The following SERPINB6 variants were observed in gnomAD, a reference collection of about 807,000 sequenced individuals.
The protein encoded by SERPINB6 is serpin family B member 6, also known as serpin B6.
Under a neutral mutation model 26.1 loss-of-function variants are expected in SERPINB6, and 16 were observed. That is an observed-to-expected ratio of 0.61 (90% confidence interval 0.42 to 0.93). SERPINB6 has a LOEUF of 0.93. SERPINB6 is among the 40% of genes least tolerant of loss of function. The probability of loss-of-function intolerance (pLI) is 0.00; values close to 1 mark genes in which losing one functional copy is unlikely to be tolerated. For missense variants in SERPINB6, 420 were observed against 478.0 expected, an observed-to-expected ratio of 0.88 and a Z score of 1.13; for synonymous variants, 174 against 176.6, an observed-to-expected ratio of 0.99 and a Z score of 0.11.
Position 2,955,527 on chromosome 6 carries a change from G to A in SERPINB6, c.309C>T (p.Leu103=). Residue 103 remains leucine (L), a synonymous_variant, in exon 3 of 7, where the codon CTC becomes CTT. Coordinates refer to ENST00000380539, the MANE Select transcript of SERPINB6 (RefSeq NM_004568.6). ...RLFGEKSCDF[L]SSFRDSCQKF... Reference sequence around the variant, plus strand: ...AATAAGAGCAAGTATGACTTACTGAGAGGAAATCACAAGACTTTTCCCCAA... The same window carrying A: ...AATAAGAGCAAGTATGACTTACTGAAAGGAAATCACAAGACTTTTCCCCAA... 1 of 1,614,228 alleles carries A rather than the reference G, an allele frequency of 6.2e-7. No homozygotes were observed. Among genetic ancestry groups the A allele is most frequent in the South Asian group, 1.1e-5 (1 of 91,082 alleles).
chr6:2,968,642 G>C, intron 1 of SERPINB6: 1 of 1,223,104 alleles, frequency 8.2e-7, no homozygotes, highest in Non-Finnish European at 1.0e-6. Context: ...GGGTCCTTTT[G>C]TTATGGTGGC....
intron 1 of SERPINB6, chr6:2,969,406 TG>T: frequency 8.3e-6 from 8 of 967,180 alleles, no homozygotes; most frequent in Non-Finnish European, 9.8e-6. Flanking sequence ...CAAAATTAAT[TG>T]TTTCAAAATT....
chr6:2,970,799 A>G, intron 1 of SERPINB6: 1 of 1,230,760 alleles, frequency 8.1e-7, no homozygotes, highest in Non-Finnish European at 1.0e-6. Flanking sequence ...TTTGCCTTGA[A>G]GACATCAAAG....
At chr6:2,959,017 G>C in intron 2 of SERPINB6, 151 bp downstream of exon 2, 2 of 1,025,252 alleles carry the variant, frequency 2.0e-6, no homozygotes, top group Non-Finnish European at 2.9e-6. Flanking sequence ...GGGTGCTCCA[G>C]CATGGGTGGC....
Position 2,948,947 on chromosome 6 carries a change from G to A in SERPINB6, c.696C>T (p.Ile232=), listed in dbSNP as rs767313354. The A allele has an allele frequency of 1.2e-6, 2 of 1,614,112 alleles. No individual in the cohort carries two copies. Among genetic ancestry groups the A allele is most frequent in the African/African-American group, 2.7e-5 (2 of 74,938 alleles). ...PYVGKELNMI[I]MLPDETTDLR... ...AGTCAGTGGTCTCGTCCGGAAGCATGATGATCATATTCAGTTCCTTGCCAA... is the reference window on the plus strand; with the variant it reads ...AGTCAGTGGTCTCGTCCGGAAGCATAATGATCATATTCAGTTCCTTGCCAA... The change falls in exon 6 of 7, where the codon ATC becomes ATT. Residue 232 remains isoleucine, a synonymous_variant. Coordinates refer to ENST00000380539, the MANE Select transcript of SERPINB6 (RefSeq NM_004568.6). This position sits in a 1 kb window ranked among gnomAD's most constrained non-coding sequence, Gnocchi z 5.0.
At chr6:2,970,893 A>T (rs1417106061) in intron 1 of SERPINB6, 2 of 1,228,014 alleles carry the variant, frequency 1.6e-6, no homozygotes, top group Non-Finnish European at 2.0e-6. Flanking sequence ...TCGTCTCCAC[A>T]GGTCTGGGCG....
At position 2,952,925 on chromosome 6, in the gene SERPINB6, TG is replaced by T. The variant is rs200683625; in HGVS notation, c.573+118del. ...CGCCCAGGGACACGAGGCCACCCAA[TG>T]GATGTCAAGCAGGAGGGGCAGGGAC... is the stretch of plus-strand genomic sequence containing the variant. On this transcript the variant is annotated intron_variant, in intron 5 of 6. Transcript: ENST00000380539. The T allele has an allele frequency of 3.1e-3, 4,532 of 1,452,832 alleles. 102 individuals are homozygous for T. The African/African-American group carries it at 0.052, about 17-fold the overall frequency. 90.0% of individuals were successfully genotyped at this position (1,452,832 alleles called of 1,614,324 possible).
rs891264627 is a variant in SERPINB6, at chr6:2,971,410, G to A, written c.-11+123C>T. On this transcript the variant is annotated intron_variant, in intron 1 of 6. Transcript: ENST00000380539. ...GTCCCCGCGCGCCGTCGACCCACGC[G>A]CGTTCCCGGCCCCGCGCGACCCCCA... 5.5e-4 allele frequency: 87 copies of A among 158,280 alleles called. 1 individual carries two copies. Among genetic ancestry groups the A allele is most frequent in the Admixed American group, 2.8e-3 (43 of 15,294 alleles). 9.8% of individuals were successfully genotyped at this position (158,280 alleles called of 1,614,324 possible). A position where few individuals can be genotyped will look rare whatever the true frequency, so the allele number is the denominator to read the frequency against.
At chr6:2,959,497 T>C (rs947062022) in intron 1 of SERPINB6, 155 bp from the exon 2 acceptor site, 1 of 736,474 alleles carries the variant, frequency 1.4e-6, no homozygotes, top group Non-Finnish European at 2.3e-6. Context: ...ACCCTCCACA[T>C]TATTTTGTGT....
intron 1 of SERPINB6, chr6:2,962,178 C>T (rs575977715): frequency 1.0e-6 from 1 of 985,484 alleles, no homozygotes; most frequent in South Asian, 4.7e-5. Context: ...AAGACACGCC[C>T]ACTGGGGAGG....
In SERPINB6 at chr6:2,963,039, A is replaced by T. The variant is rs192070965; in HGVS notation, c.-10-3697T>A. Among the ~76,000 whole-genome samples, 69 of 152,348 alleles carry T rather than the reference A, an allele frequency of 4.5e-4. No individual in the cohort carries two copies. The Middle Eastern group carries it at 0.01, about 23-fold the overall frequency. On this transcript the variant is annotated intron_variant, in intron 1 of 6. Coordinates refer to ENST00000380539, the MANE Select transcript of SERPINB6 (RefSeq NM_004568.6). ...ACATAATGAGAAAGGAGATTGTCAG[A>T]AAGGAGACAAAATGAGCACAGTTAG...
intron 1 of SERPINB6, chr6:2,969,411 CA>C: frequency 6.2e-6 from 6 of 967,214 alleles, no homozygotes; most frequent in Non-Finnish European, 7.4e-6. Context: ...TTAATTGTTT[CA>C]AAATTTAAAA....
At position 2,954,646 on chromosome 6, in the gene SERPINB6, C is replaced by T. The variant is rs368785463; in HGVS notation, c.376G>A (p.Ala126Thr). 1.9e-5 allele frequency: 30 copies of T among 1,613,926 alleles called. No individual in the cohort carries two copies. Among genetic ancestry groups the T allele is most frequent in the African/African-American group, 2.7e-5 (2 of 74,870 alleles). ...AEMEELDFIS[A>T]VEKSRKHINT... ...ATGTGTTTTCTGGACTTCTCTACGG[C>T]GCTGATAAAGTCAAGCTCCTCCATC... Residue 126 changes from alanine to threonine, a missense_variant, in exon 4 of 7, where the codon GCC (alanine) becomes ACC (threonine). Physicochemically the swap from Ala to Thr is moderately conservative, Grantham distance 58 (BLOSUM62 0). Coordinates refer to ENST00000380539, the MANE Select transcript of SERPINB6 (RefSeq NM_004568.6).
At chr6:2,953,677 T>A (rs1021904144) in intron 4 of SERPINB6, among the ~76,000 whole-genome samples, 3 of 151,638 alleles carry the variant, frequency 2.0e-5, no homozygotes, top group African/African-American at 7.3e-5. Flanking sequence ...AAAAAAAAAA[T>A]TTATTAAAAT....
Position 2,948,718 on chromosome 6 carries a change from A to C in SERPINB6, c.730-19T>G, listed in dbSNP as rs1769412094. ...TCTCCACCTAGAGGGAGACAGTTGA[A>C]GACTTTAAGACCCAGGGTGCTGCTG... On this transcript the variant is annotated intron_variant, in intron 6 of 6. Transcript: ENST00000380539. The surrounding 1 kb of genome is among the most constrained non-coding windows in gnomAD (Gnocchi z 5.0). 3.7e-6 allele frequency: 6 copies of C among 1,613,074 alleles called. No homozygotes were observed. Among genetic ancestry groups the C allele is most frequent in the Non-Finnish European group, 3.4e-6 (4 of 1,179,084 alleles).
chr6:2,953,225 G>T, intron 4 of SERPINB6, 39 bp from the exon 5 acceptor site: 1 of 1,613,472 alleles, frequency 6.2e-7, no homozygotes, highest in Middle Eastern at 1.7e-4. Flanking sequence ...GATAGGGGCG[G>T]CTGCGGATCC....
intron 1 of SERPINB6, chr6:2,966,512 T>C (rs1247984905): frequency 3.0e-5 from 17 of 565,102 alleles, no homozygotes. Flanking sequence ...CCACCTCCTG[T>C]TAGGTCAGTG....
chr6:2,953,308 C>T (rs1770038965), intron 4 of SERPINB6, 122 bp from the exon 5 acceptor site: 1 of 1,325,842 alleles, frequency 7.5e-7, no homozygotes, highest in Admixed American at 1.7e-5. Flanking sequence ...TCCACTGTCC[C>T]CCAAATATAA....
chr6:2,954,376 C>T (rs1770183731), intron 4 of SERPINB6, among the ~76,000 whole-genome samples: 1 of 152,078 alleles, frequency 6.6e-6, no homozygotes. Context: ...CACGGGTACA[C>T]CAAGGAAACA....
Sources: gnomAD v4.1 joint callset for allele counts (sites outside exome capture counted in the v4.1 genomes callset) on GRCh38, gnomAD v4.1.1 for gene constraint, Gnocchi (gnomAD v3.1) non-coding constraint, MANE v1.5 for transcripts, NCBI Gene and HGNC (gene_info 2026-07-23, HGNC 2026-07-21) for gene names.